The following WDR31 variants were observed in gnomAD, a reference collection of about 807,000 sequenced individuals.
The protein encoded by WDR31 is WD repeat domain 31, also known as WD repeat-containing protein 31.
WDR31 carries 30 observed loss-of-function variants against 47.3 expected under a neutral mutation model. The ratio of observed to expected loss-of-function variants is 0.63; its 90% CI spans 0.47 to 0.86. WDR31 has a LOEUF of 0.86. WDR31 is among the 40% of genes least tolerant of loss of function. The pLI is 0.00. For synonymous variants in WDR31, 137 were observed against 159.4 expected (o/e 0.86, Z 1.06); for missense variants, 406 against 442.9 (o/e 0.92, Z 0.75).
At chr9:113,334,487 A>G (rs971933571) in intron 2 of WDR31, among the ~76,000 whole-genome samples, 2 of 152,062 alleles carry the variant, frequency 1.3e-5, no homozygotes, top group Non-Finnish European at 2.9e-5. Flanking sequence ...TTCAAAATTA[A>G]TAAGTAAATG....
At position 113,318,517 on chromosome 9, in the gene WDR31, A is replaced by G. The variant is rs759927752; in HGVS notation, c.901T>C (p.Ser301Pro). The change falls in exon 10 of 11, where the codon TCA becomes CCA. Residue 301 changes from serine (S) to proline (P), a missense_variant. Transcript: ENST00000374193. ...CAAATCTTCACCTTGCAATCATGTG[A>G]TGAGGTAGCAATTAAAGGCATCAAG... ...LALMPLIATSSHDCKVKIWNQ... is the reference protein window; with the variant it reads ...LALMPLIATSPHDCKVKIWNQ... 3.1e-6 allele frequency: 5 copies of G among 1,614,232 alleles called. No homozygotes were observed. In the South Asian group the frequency reaches 4.4e-5, roughly 14 times the overall value.
chr9:113,321,106 T>C (rs1833316734), intron 8 of WDR31, among the ~76,000 whole-genome samples: 1 of 152,222 alleles, frequency 6.6e-6, no homozygotes, highest in Non-Finnish European at 1.5e-5. Context: ...ATTTCAACCC[T>C]GCTTCCCCAG....
chr9:113,327,481 A>G (rs1176528251), intron 5 of WDR31, among the ~76,000 whole-genome samples: 1 of 152,108 alleles, frequency 6.6e-6, no homozygotes, highest in Non-Finnish European at 1.5e-5. Context: ...ACACTCACAC[A>G]CAGTCAATTC....
intron 8 of WDR31, 186 bp downstream of exon 8, chr9:113,321,325 A>G (rs775154229): frequency 7.0e-5 from 42 of 601,260 alleles, no homozygotes; most frequent in Non-Finnish European, 1.1e-4. Context: ...CTCATGACAC[A>G]CAACCTCTAC....
At position 113,318,564 on chromosome 9, in the gene WDR31, A is replaced by C. The variant is rs2118771861; in HGVS notation, c.854T>G (p.Val285Gly). ...KGHFQTVASC[V>G]FLPRALALMP... ...CAAGGCCAATGCTCTTGGTAGAAAG[A>C]CGCAGGATGCGACAGTCTGGAAATG... Residue 285 changes from valine to glycine, a missense_variant, in exon 10 of 11, where the codon GTC (valine) becomes GGC (glycine). By Grantham distance (109) the Val-to-Gly change is moderately radical. Coordinates refer to ENST00000374193, the MANE Select transcript of WDR31 (RefSeq NM_001012361.4). 1 of 1,614,204 alleles carries C rather than the reference A, an allele frequency of 6.2e-7. No individual in the cohort carries two copies. The highest frequency in any genetic ancestry group is 1.1e-5 in the South Asian group (1 of 91,080).
intron 1 of WDR31, among the ~76,000 whole-genome samples, chr9:113,337,734 G>C (rs1833748139): frequency 6.6e-6 from 1 of 152,038 alleles, no homozygotes; most frequent in African/African-American, 2.4e-5. Flanking sequence ...CCAAAGTGCT[G>C]GGATTACAGG....
rs1320682332 is a variant in WDR31 at position 113,316,594 on chromosome 9, A to G, written c.*155T>C. Reference sequence around the variant, plus strand: ...CCTGATTTTGAATCACTGGACTTAAATTATTGGACTTACAACACTGATACA... The same window carrying G: ...CCTGATTTTGAATCACTGGACTTAAGTTATTGGACTTACAACACTGATACA... On this transcript the variant is annotated 3_prime_UTR_variant, in exon 11 of 11. Transcript: ENST00000374193. 4.5e-6 allele frequency: 4 copies of G among 887,990 alleles called. No homozygotes were observed. The highest frequency in any genetic ancestry group is 6.6e-6 in the Non-Finnish European group (4 of 602,762). The allele number at this position is 887,990 out of a possible 1,614,324, so 55.0% of individuals were successfully genotyped here.
At chr9:113,320,655 A>G (rs954279332) in intron 8 of WDR31, among the ~76,000 whole-genome samples, 157 bp from the exon 9 acceptor site, 1 of 152,226 alleles carries the variant, frequency 6.6e-6, no homozygotes. Context: ...AACCAGATCA[A>G]TCTCTGAGAC....
At chr9:113,338,424 TA>T (rs1391852189) in intron 1 of WDR31, among the ~76,000 whole-genome samples, 1 of 152,154 alleles carries the variant, frequency 6.6e-6, no homozygotes, top group Non-Finnish European at 1.5e-5. Context: ...GAATAAGAAA[TA>T]AAAGTACTAC....
chr9:113,327,788 C>G (rs1248794444), intron 5 of WDR31, among the ~76,000 whole-genome samples: 15 of 152,154 alleles, frequency 9.9e-5, no homozygotes, highest in Admixed American at 3.9e-4. Context: ...CCCATCTCTA[C>G]TATAAATATA....
chr9:113,328,694 G>A (rs927025877), intron 5 of WDR31, among the ~76,000 whole-genome samples, 187 bp downstream of exon 5: 1 of 152,174 alleles, frequency 6.6e-6, no homozygotes, highest in Admixed American at 6.5e-5. Context: ...AATTGTGTTC[G>A]ATATGCCTGT....
intron 7 of WDR31, among the ~76,000 whole-genome samples, chr9:113,321,946 C>T (rs1284178217): frequency 2.6e-5 from 4 of 152,124 alleles, no homozygotes; most frequent in Non-Finnish European, 5.9e-5. Context: ...TCTCTTTATC[C>T]CTGCAGGTCC....
intron 1 of WDR31, among the ~76,000 whole-genome samples, chr9:113,339,026 G>A (rs1236855969): frequency 6.6e-6 from 1 of 152,156 alleles, no homozygotes; most frequent in Admixed American, 6.6e-5. Flanking sequence ...TCCAGACCCA[G>A]AAAGGCTGGA....
intron 5 of WDR31, among the ~76,000 whole-genome samples, chr9:113,326,469 CCTT>C (rs1405642980): frequency 1.3e-5 from 2 of 150,456 alleles, no homozygotes; most frequent in African/African-American, 2.5e-5. Context: ...TTTCCTCCCT[CCTT>C]CTTTCTTTCT....
chr9:113,333,741 T>C (rs940582480), intron 2 of WDR31, among the ~76,000 whole-genome samples: 12 of 151,868 alleles, frequency 7.9e-5, no homozygotes, highest in Non-Finnish European at 1.8e-4. Context: ...AATCATGAAA[T>C]AGATGTTCTG....
chr9:113,335,996 C>T (rs1833707945), intron 2 of WDR31, among the ~76,000 whole-genome samples: 2 of 152,222 alleles, frequency 1.3e-5, no homozygotes, highest in African/African-American at 4.8e-5. Flanking sequence ...TAAGAGGCCA[C>T]AAGATGTGCT....
chr9:113,320,220 A>G, intron 9 of WDR31, 137 bp downstream of exon 9: 1 of 1,139,432 alleles, frequency 8.8e-7, no homozygotes, highest in Non-Finnish European at 1.2e-6. Flanking sequence ...AATGCAAAGG[A>G]TCACTCACAG....
At chr9:113,326,782 C>A (rs1833479559) in intron 5 of WDR31, among the ~76,000 whole-genome samples, 1 of 151,894 alleles carries the variant, frequency 6.6e-6, no homozygotes, top group Non-Finnish European at 1.5e-5. Context: ...CCAATTTTTA[C>A]TTTTTAATAA....
intron 7 of WDR31, among the ~76,000 whole-genome samples, chr9:113,322,594 A>G (rs568912692): frequency 6.6e-6 from 1 of 152,296 alleles, no homozygotes; most frequent in South Asian, 2.1e-4. Flanking sequence ...TTAAATTCCA[A>G]TATAAGTGAG....
Sources: gnomAD v4.1 joint callset for allele counts (sites outside exome capture counted in the v4.1 genomes callset) on GRCh38, gnomAD v4.1.1 for gene constraint, MANE v1.5 for transcripts, NCBI Gene and HGNC (gene_info 2026-07-23, HGNC 2026-07-21) for gene names.